Variants in SLIT3 observed in about 807,000 individuals in gnomAD.
SLIT3 encodes the protein slit guidance ligand 3, also known as slit homolog 3 protein.
In SLIT3, 68 loss-of-function variants were observed where a neutral mutation model predicts 184.0. The ratio of observed to expected loss-of-function variants is 0.37; its 90% CI spans 0.30 to 0.45. SLIT3 has a LOEUF of 0.45. Ranked by LOEUF, SLIT3 falls within the 20% of genes least tolerant of loss-of-function variation. SLIT3 has a pLI of 1.00. For missense variants in SLIT3, 1,707 were observed against 2,026.0 expected, an observed-to-expected ratio of 0.84 and a Z score of 3.02; for synonymous variants, 831 against 828.6, an observed-to-expected ratio of 1.00 and a Z score of -0.05.
rs748893959 is a variant in SLIT3 at position 168,722,913 on chromosome 5, C to T, written c.2411+20G>A. The T allele has an allele frequency of 3.8e-6, 6 of 1,590,424 alleles. No homozygotes were observed. Among genetic ancestry groups the T allele is most frequent in the South Asian group, 1.1e-5 (1 of 90,600 alleles). On this transcript the variant is annotated intron_variant, in intron 22 of 35. Transcript: ENST00000519560. ...GCTAGGCCCAAGGGCATGGTAAACA[C>T]AGCATCTCAGTGTACTCACAGAGTG...
chr5:169,251,734 C>G (rs1432872929), intron 1 of SLIT3, among the ~76,000 whole-genome samples: 1 of 152,168 alleles, frequency 6.6e-6, no homozygotes, highest in Non-Finnish European at 1.5e-5. Context: ...TTCCCCTCCC[C>G]CAACTCTCAG....
At chr5:169,113,932 G>A (rs565622663) in intron 4 of SLIT3, among the ~76,000 whole-genome samples, 3 of 152,236 alleles carry the variant, frequency 2.0e-5, no homozygotes, top group South Asian at 2.1e-4. Flanking sequence ...GGGATTACAA[G>A]CATAAGCCAC....
Position 168,883,249 on chromosome 5 carries a change from G to A in SLIT3, c.485+16C>T. Reference sequence around the variant, plus strand: ...GTTAGCCACATACGTAGTGAAGCAAGGAAAACATCACTTACAGGTTCTTCA... The same window carrying A: ...GTTAGCCACATACGTAGTGAAGCAAAGAAAACATCACTTACAGGTTCTTCA... On this transcript the variant is annotated intron_variant, in intron 5 of 35. Transcript: ENST00000519560. 6.2e-7 allele frequency: 1 copy of A among 1,610,172 alleles called. No individual in the cohort carries two copies. The highest frequency in any genetic ancestry group is 8.5e-7 in the Non-Finnish European group (1 of 1,176,482).
intron 4 of SLIT3, chr5:169,037,939 A>T (rs1199892818): frequency 6.6e-6 from 1 of 152,270 alleles, no homozygotes; most frequent in Non-Finnish European, 1.5e-5. Context: ...ACAACTTTGT[A>T]TAACAATCTC....
At chr5:169,078,045 A>T (rs537748726) in intron 4 of SLIT3, among the ~76,000 whole-genome samples, 1 of 152,172 alleles carries the variant, frequency 6.6e-6, no homozygotes, top group East Asian at 1.9e-4. Flanking sequence ...AATCCTAGGA[A>T]ACCTTGCTTT....
At chr5:168,737,881 T>G (rs1344429105) in intron 20 of SLIT3, among the ~76,000 whole-genome samples, 3 of 152,188 alleles carry the variant, frequency 2.0e-5, no homozygotes, top group African/African-American at 7.2e-5. Flanking sequence ...AAAAGGACAG[T>G]TGCATGGCAA....
intron 4 of SLIT3, among the ~76,000 whole-genome samples, chr5:169,003,042 G>A (rs920851842): frequency 2.6e-5 from 4 of 152,170 alleles, no homozygotes; most frequent in African/African-American, 9.7e-5. Flanking sequence ...TTCGCTCACA[G>A]GTTCTTAAGC....
chr5:169,255,330 ATG>A (rs1765915451), intron 1 of SLIT3, among the ~76,000 whole-genome samples: 1 of 152,240 alleles, frequency 6.6e-6, no homozygotes, highest in African/African-American at 2.4e-5. Context: ...TGACAGCTCC[ATG>A]TGTGTTACTG....
chr5:169,073,488 G>A (rs575141790), intron 4 of SLIT3, among the ~76,000 whole-genome samples: 15 of 151,740 alleles, frequency 9.9e-5, no homozygotes, highest in Admixed American at 2.6e-4. Context: ...AGGCAAAGTC[G>A]TCTTCTACAG....
At chr5:169,251,228 T>C (rs1439125267) in intron 2 of SLIT3, among the ~76,000 whole-genome samples, 160 bp downstream of exon 2, 2 of 152,228 alleles carry the variant, frequency 1.3e-5, no homozygotes, top group Non-Finnish European at 1.5e-5. Context: ...ATGTGATACC[T>C]GTAAGCATGT....
At chr5:169,273,849 A>C (rs1766714091) in intron 1 of SLIT3, among the ~76,000 whole-genome samples, 1 of 152,214 alleles carries the variant, frequency 6.6e-6, no homozygotes, top group South Asian at 2.1e-4. Flanking sequence ...AAGGAGCTTA[A>C]AACCTAAATG....
intron 16 of SLIT3, among the ~76,000 whole-genome samples, chr5:168,755,248 C>G (rs2113479063): frequency 6.6e-6 from 1 of 152,258 alleles, no homozygotes; most frequent in Admixed American, 6.5e-5. Context: ...TCTGGCATAT[C>G]AAATGTACTC....
intron 4 of SLIT3, among the ~76,000 whole-genome samples, chr5:169,103,589 G>A (rs1248738415): frequency 6.6e-6 from 1 of 152,210 alleles, no homozygotes; most frequent in Non-Finnish European, 1.5e-5. Flanking sequence ...CAGGGATTAA[G>A]TTCCCTGTCT....
At chr5:168,963,013 T>C (rs1454201592) in intron 4 of SLIT3, among the ~76,000 whole-genome samples, 1 of 152,242 alleles carries the variant, frequency 6.6e-6, no homozygotes, top group Non-Finnish European at 1.5e-5. Context: ...GCAATGATCA[T>C]ACATGGTCAT....
intron 4 of SLIT3, among the ~76,000 whole-genome samples, chr5:169,101,701 A>G (rs1333104112): frequency 2.0e-5 from 3 of 152,094 alleles, no homozygotes; most frequent in African/African-American, 7.2e-5. Flanking sequence ...TGATCCTGCC[A>G]CTCGCTACCC....
chr5:168,821,513 G>A (rs985018706), intron 7 of SLIT3, among the ~76,000 whole-genome samples: 9 of 152,168 alleles, frequency 5.9e-5, no homozygotes, highest in African/African-American at 2.2e-4. Flanking sequence ...ACTTTGAAGA[G>A]GTCTTTGAAG....
intron 10 of SLIT3, chr5:168,790,821 T>A (rs1195987996): frequency 6.6e-6 from 1 of 152,164 alleles, no homozygotes; most frequent in African/African-American, 2.4e-5. Flanking sequence ...AGTGGGAATC[T>A]CTCTGAGCCT....
At position 168,752,677 on chromosome 5, in the gene SLIT3, G is replaced by A. The variant is rs887405834; in HGVS notation, c.1973+278C>T. The A allele has an allele frequency of 2.1e-5, 9 of 422,728 alleles. No homozygotes were observed. In the East Asian group the frequency reaches 2.2e-4, roughly 11 times the overall value. The allele number at this position is 422,728 out of a possible 1,614,324, so 26.2% of individuals were successfully genotyped here. ...CCCAAAGTGTTAGGATTACAGGCGT[G>A]AGCCACCATGCCTGGCCTTCCAGCT... is the stretch of plus-strand genomic sequence containing the variant. On this transcript the variant is annotated intron_variant, in intron 18 of 35. Transcript: ENST00000519560.
At chr5:168,779,115 T>G (rs1454130222) in intron 12 of SLIT3, among the ~76,000 whole-genome samples, 1 of 152,214 alleles carries the variant, frequency 6.6e-6, no homozygotes, top group African/African-American at 2.4e-5. Context: ...CCATTTAATC[T>G]CCCTTTGACA....
Sources: allele counts gnomAD v4.1 joint callset (sites outside exome capture counted in the v4.1 genomes callset), GRCh38; gene constraint gnomAD v4.1.1; transcripts MANE v1.5; gene names NCBI Gene and HGNC (gene_info 2026-07-23, HGNC 2026-07-21).